ADARB2: variants seen among roughly 807,000 people sequenced by gnomAD.
The protein encoded by ADARB2 is adenosine deaminase RNA specific B2 (inactive), also known as inactive double-stranded RNA-specific editase B2.
Under a neutral mutation model 62.2 loss-of-function variants are expected in ADARB2, and 25 were observed. That is an observed-to-expected ratio of 0.40 (90% confidence interval 0.29 to 0.56). The LOEUF (loss-of-function observed/expected upper bound fraction) is 0.56, where lower values mean the gene tolerates loss of function less well. Ranked by LOEUF, ADARB2 falls within the 20% of genes least tolerant of loss-of-function variation. The probability of loss-of-function intolerance (pLI) is 0.43; values close to 1 mark genes in which losing one functional copy is unlikely to be tolerated. For synonymous variants in ADARB2, 572 were observed against 500.8 expected (o/e 1.14, Z -1.90); for missense variants, 1,071 against 1,077.4 (o/e 0.99, Z 0.08).
intron 1 of ADARB2, among the ~76,000 whole-genome samples, chr10:1,388,936 T>C (rs1383827657): frequency 6.6e-6 from 1 of 152,184 alleles, no homozygotes; most frequent in African/African-American, 2.4e-5. Context: ...AATGTAGTAA[T>C]GGCGTAAGGC....
chr10:1,656,778 G>A (rs774164069), intron 1 of ADARB2, among the ~76,000 whole-genome samples: 2 of 151,984 alleles, frequency 1.3e-5, no homozygotes, highest in Non-Finnish European at 2.9e-5. Flanking sequence ...TTTTTTTAAT[G>A]TGCCTATTAT....
rs531280827 is a variant in ADARB2, at chr10:1,640,423, G to A, written c.100+96628C>T. Among the ~76,000 whole-genome samples, 3 of 152,302 alleles carry A rather than the reference G, an allele frequency of 2.0e-5. No individual in the cohort carries two copies. In the East Asian group the frequency reaches 5.8e-4, roughly 29 times the overall value. ...ACTAATTCTACCTTTTTTAAAGCAG[G>A]TTAAAAGCAAGTGTCAGAGCTTGCA... On this transcript the variant is annotated intron_variant, in intron 1 of 9. Transcript: ENST00000381312.
intron 3 of ADARB2, among the ~76,000 whole-genome samples, chr10:1,289,469 A>G (rs1831444313): frequency 6.6e-6 from 1 of 152,166 alleles, no homozygotes; most frequent in Non-Finnish European, 1.5e-5. Flanking sequence ...GGGACCTGGA[A>G]GAGGGAGGAG....
At chr10:1,348,419 G>C (rs573954479) in intron 3 of ADARB2, among the ~76,000 whole-genome samples, 1 of 152,122 alleles carries the variant, frequency 6.6e-6, no homozygotes, top group Non-Finnish European at 1.5e-5. Flanking sequence ...GTCAGGCGAC[G>C]CCTGAGCCCT....
At chr10:1,462,416 C>T (rs578234479) in intron 1 of ADARB2, among the ~76,000 whole-genome samples, 10 of 152,388 alleles carry the variant, frequency 6.6e-5, no homozygotes, top group Middle Eastern at 6.8e-3. Context: ...GCCAGGGCTG[C>T]GTCCTAACCA....
chr10:1,338,809 G>C (rs1831996884), intron 3 of ADARB2, among the ~76,000 whole-genome samples: 1 of 152,170 alleles, frequency 6.6e-6, no homozygotes, highest in African/African-American at 2.4e-5. Context: ...CCAGGTTCCA[G>C]GTTCTGGAAA....
intron 1 of ADARB2, among the ~76,000 whole-genome samples, chr10:1,425,971 A>G (rs1196138472): frequency 5.9e-5 from 9 of 152,198 alleles, no homozygotes; most frequent in Non-Finnish European, 1.3e-4. Context: ...GGTGAGGGCT[A>G]ATCTCACAGA....
intron 1 of ADARB2, among the ~76,000 whole-genome samples, chr10:1,401,651 C>T (rs1832664065): frequency 6.6e-6 from 1 of 152,212 alleles, no homozygotes; most frequent in Non-Finnish European, 1.5e-5. Context: ...TCCCGTGTCC[C>T]CATTTCTACC....
chr10:1,177,695 C>G lies in ADARB2; in HGVS notation c.*5498G>C, dbSNP rs1316789870. The G allele has an allele frequency of 1.3e-5, 2 of 152,178 alleles. No individual in the cohort carries two copies. The highest frequency in any genetic ancestry group is 2.9e-5 in the Non-Finnish European group (2 of 68,034). The allele number at this position is 152,178 out of a possible 1,614,324, so 9.4% of individuals were successfully genotyped here. ...ATCTCGCCTTGGTGTTTAGGGAATGCTCATCCCTCCAACCTTGGCTTAGGA... is the reference window on the plus strand; with the variant it reads ...ATCTCGCCTTGGTGTTTAGGGAATGGTCATCCCTCCAACCTTGGCTTAGGA... On this transcript the variant is annotated 3_prime_UTR_variant, in exon 10 of 10. Transcript: ENST00000381312.
At chr10:1,618,798 G>A (rs144116359) in intron 1 of ADARB2, among the ~76,000 whole-genome samples, 4 of 152,296 alleles carry the variant, frequency 2.6e-5, no homozygotes, top group Admixed American at 2.6e-4. Context: ...AGAGATCATT[G>A]TGGCAGGCTC....
intron 1 of ADARB2, among the ~76,000 whole-genome samples, chr10:1,522,997 C>G (rs2131952790): frequency 6.6e-6 from 1 of 152,276 alleles, no homozygotes; most frequent in East Asian, 1.9e-4. Flanking sequence ...AGGTGAGTTT[C>G]AAATCGTTAT....
At chr10:1,631,323 G>A (rs1469715455) in intron 1 of ADARB2, among the ~76,000 whole-genome samples, 1 of 152,004 alleles carries the variant, frequency 6.6e-6, no homozygotes, top group Non-Finnish European at 1.5e-5. Flanking sequence ...GCTGGACGCG[G>A]CAGGGAACAG....
intron 1 of ADARB2, among the ~76,000 whole-genome samples, chr10:1,410,376 G>A (rs947488254): frequency 2.0e-5 from 3 of 152,192 alleles, no homozygotes; most frequent in South Asian, 2.1e-4. Context: ...GATTCTCCTC[G>A]CTGCTGCCAC....
At chr10:1,711,286 C>T (rs1040077768) in intron 1 of ADARB2, among the ~76,000 whole-genome samples, 1 of 152,134 alleles carries the variant, frequency 6.6e-6, no homozygotes, top group Non-Finnish European at 1.5e-5. Flanking sequence ...AACTCAAGGT[C>T]TCCTGTCTGT....
intron 3 of ADARB2, among the ~76,000 whole-genome samples, chr10:1,286,737 C>G (rs1396316552): frequency 6.6e-6 from 1 of 152,174 alleles, no homozygotes. Flanking sequence ...GGCTCTGCAT[C>G]TTGGCACAGA....
At chr10:1,217,406 T>A (rs990422212) in intron 6 of ADARB2, among the ~76,000 whole-genome samples, 1 of 152,148 alleles carries the variant, frequency 6.6e-6, no homozygotes, top group African/African-American at 2.4e-5. Context: ...GTTGCGTGAG[T>A]GCAGCCACGG....
intron 1 of ADARB2, among the ~76,000 whole-genome samples, chr10:1,705,137 C>T (rs1051934873): frequency 3.9e-5 from 6 of 152,148 alleles, no homozygotes; most frequent in Admixed American, 6.5e-5. Flanking sequence ...TCACATTTTC[C>T]AAACCTCTGT....
chr10:1,454,769 A>T (rs1831077277), intron 1 of ADARB2, among the ~76,000 whole-genome samples: 1 of 152,184 alleles, frequency 6.6e-6, no homozygotes, highest in African/African-American at 2.4e-5. Context: ...GACTGTGTGA[A>T]TGTACTTAGT....
intron 1 of ADARB2, among the ~76,000 whole-genome samples, chr10:1,448,983 C>T (rs148226431): frequency 4.4e-4 from 67 of 152,282 alleles, no homozygotes; most frequent in Middle Eastern, 3.4e-3. Flanking sequence ...GCAGCCTGAT[C>T]CTGCCCATAC....
Sources: gnomAD v4.1 joint callset for allele counts (sites outside exome capture counted in the v4.1 genomes callset) on GRCh38, gnomAD v4.1.1 for gene constraint, MANE v1.5 for transcripts, NCBI Gene and HGNC (gene_info 2026-07-23, HGNC 2026-07-21) for gene names.